PCLAF: variants seen among roughly 807,000 people sequenced by gnomAD.
PCLAF encodes PCNA-associated factor.
In PCLAF, 12 loss-of-function variants were observed where a neutral mutation model predicts 15.1. That is an observed-to-expected ratio of 0.79 (90% CI 0.51 to 1.29). The LOEUF is 1.29. PCLAF is among the 50% of genes most tolerant of loss of function. PCLAF has a pLI of 0.00. For missense variants in PCLAF, 116 were observed against 130.9 expected (o/e 0.89, Z 0.56); for synonymous variants, 33 against 47.1 (o/e 0.70, Z 1.22).
chr15:64,387,414 AAAATT>A (rs1346966896), intron 1 of PCLAF: 9 of 1,125,756 alleles, frequency 8.0e-6, no homozygotes, highest in Non-Finnish European at 8.9e-6. Context: ...AATTAATTAA[AAAATT>A]AAAACCACCA....
intron 3 of PCLAF, among the ~76,000 whole-genome samples, chr15:64,367,117 T>C (rs1899066752): frequency 6.6e-6 from 1 of 151,234 alleles, no homozygotes; most frequent in African/African-American, 2.4e-5. Flanking sequence ...AGCAGGTCTC[T>C]GTGTCAATAA....
intron 3 of PCLAF, among the ~76,000 whole-genome samples, chr15:64,367,856 C>G (rs1596319973): frequency 6.6e-6 from 1 of 150,696 alleles, no homozygotes; most frequent in African/African-American, 2.4e-5. Context: ...CCTCATTACA[C>G]TTTTTATGGA....
chr15:64,370,389 A>G (rs1348524922), intron 3 of PCLAF, among the ~76,000 whole-genome samples: 1 of 146,688 alleles, frequency 6.8e-6, no homozygotes, highest in Non-Finnish European at 1.5e-5. Context: ...TTTTTTTCAG[A>G]CGGATTATCG....
chr15:64,386,383 C>A (rs1354436945), upstream of PCLAF, among the ~76,000 whole-genome samples: 1 of 152,160 alleles, frequency 6.6e-6, no homozygotes, highest in African/African-American at 2.4e-5. Flanking sequence ...TGCAGTAGTG[C>A]AATCAGGGCT....
chr15:64,368,057 G>A (rs138453456), intron 3 of PCLAF, among the ~76,000 whole-genome samples: 1,891 of 151,762 alleles, frequency 0.012, 30 homozygotes, highest in African/African-American at 0.044. Flanking sequence ...TAAGATTATC[G>A]TTGGCCCGGC....
At chr15:64,378,650 C>T (rs1459101740) in intron 2 of PCLAF, among the ~76,000 whole-genome samples, 4 of 152,162 alleles carry the variant, frequency 2.6e-5, no homozygotes, top group African/African-American at 9.7e-5. Context: ...CAGTGGCTCA[C>T]GCCTGTAATC....
At chr15:64,372,575 C>T (rs1017785301) in intron 3 of PCLAF, among the ~76,000 whole-genome samples, 7 of 152,172 alleles carry the variant, frequency 4.6e-5, no homozygotes, top group African/African-American at 1.7e-4. Context: ...GATAGCGCCA[C>T]TGCACCCCAG....
At chr15:64,380,905 G>T in intron 2 of PCLAF, 53 bp downstream of exon 2, 1 of 1,458,526 alleles carries the variant, frequency 6.9e-7, no homozygotes, top group Non-Finnish European at 9.6e-7. Flanking sequence ...TGGCAAGCCA[G>T]GGGCTTGCAG....
At chr15:64,368,093 G>A (rs1270937141) in intron 3 of PCLAF, among the ~76,000 whole-genome samples, 1 of 151,880 alleles carries the variant, frequency 6.6e-6, no homozygotes, top group East Asian at 1.9e-4. Flanking sequence ...TGTAATCCCA[G>A]CACTTTGGGA....
chr15:64,372,790 G>A (rs1265013771), intron 3 of PCLAF, among the ~76,000 whole-genome samples: 2 of 152,120 alleles, frequency 1.3e-5, no homozygotes, highest in Non-Finnish European at 2.9e-5. Flanking sequence ...TGGCCAACAT[G>A]GTGAATCCCA....
intron 1 of PCLAF, among the ~76,000 whole-genome samples, chr15:64,386,957 G>A (rs556294968): frequency 6.6e-6 from 1 of 151,334 alleles, no homozygotes; most frequent in Non-Finnish European, 1.5e-5. Flanking sequence ...TTGTCTTAGC[G>A]GGGTAGGGAA....
At chr15:64,381,663 C>CA (rs1899827307), upstream of PCLAF, among the ~76,000 whole-genome samples, 1 of 152,140 alleles carries the variant, frequency 6.6e-6, no homozygotes, top group Non-Finnish European at 1.5e-5. Flanking sequence ...CAGGACTCTC[C>CA]AGGGGTACCC....
intron 2 of PCLAF, among the ~76,000 whole-genome samples, chr15:64,377,470 C>CAA (rs771209859): frequency 0.014 from 13 of 906 alleles, 3 homozygotes; most frequent in Non-Finnish European, 0.024. Context: ...GACTCTGTCT[C>CAA]AAAAAAAAAA....
intron 3 of PCLAF, among the ~76,000 whole-genome samples, chr15:64,370,966 CTTTTTTTTTT>C (rs11299642): frequency 2.6e-5 from 2 of 77,312 alleles, no homozygotes; most frequent in South Asian, 7.8e-4. Context: ...ATTTCATGTT[CTTTTTTTTTT>C]TTTTTTTTTT....
upstream of PCLAF, among the ~76,000 whole-genome samples, chr15:64,385,118 G>A (rs1160891858): frequency 1.3e-5 from 2 of 151,960 alleles, no homozygotes; most frequent in Non-Finnish European, 2.9e-5. Context: ...TCGAATTTCC[G>A]AGTTCAACCA....
At chr15:64,387,090 C>T (rs1899958662) in intron 1 of PCLAF, among the ~76,000 whole-genome samples, 1 of 151,876 alleles carries the variant, frequency 6.6e-6, no homozygotes, top group African/African-American at 2.4e-5. Context: ...TGTCTTGGCT[C>T]TCCTGGAAAA....
chr15:64,369,478 T>C (rs1899191762), intron 3 of PCLAF, among the ~76,000 whole-genome samples: 1 of 152,054 alleles, frequency 6.6e-6, no homozygotes, highest in Admixed American at 6.6e-5. Flanking sequence ...AAGCCTAAGA[T>C]TTAATTGCTG....
chr15:64,367,608 T>A (rs544300414), intron 3 of PCLAF, among the ~76,000 whole-genome samples: 1 of 151,800 alleles, frequency 6.6e-6, no homozygotes, highest in Non-Finnish European at 1.5e-5. Flanking sequence ...AGTGCAGTGG[T>A]GCGATCTCAG....
chr15:64,373,669 C>T, intron 3 of PCLAF: 1 of 1,533,666 alleles, frequency 6.5e-7, no homozygotes, highest in Non-Finnish European at 8.7e-7. Context: ...GTAGCAGACC[C>T]AGAATGAGCA....
Sources: gnomAD v4.1 joint callset for allele counts (sites outside exome capture counted in the v4.1 genomes callset) on GRCh38, gnomAD v4.1.1 for gene constraint, MANE v1.5 for transcripts, NCBI Gene and HGNC (gene_info 2026-07-23, HGNC 2026-07-21) for gene names.